The following PRR5L variants were observed in gnomAD, a reference collection of about 807,000 sequenced individuals.
The protein encoded by PRR5L is proline rich 5 like.
In PRR5L, 21 loss-of-function variants were observed where a neutral mutation model predicts 36.4. The ratio of observed to expected loss-of-function variants is 0.58; its 90% CI spans 0.41 to 0.83. The LOEUF (loss-of-function observed/expected upper bound fraction) is 0.83, where lower values mean the gene tolerates loss of function less well. Among genes scored for constraint, PRR5L ranks in the 40% least tolerant of loss-of-function variants. The probability of loss-of-function intolerance (pLI) is 0.00; values close to 1 mark genes in which losing one functional copy is unlikely to be tolerated. For synonymous variants in PRR5L, 188 were observed against 197.0 expected (o/e 0.95, Z 0.38); for missense variants, 381 against 473.3 (o/e 0.80, Z 1.81).
intron 1 of PRR5L, chr11:36,376,490 A>G: frequency 1.9e-6 from 2 of 1,074,376 alleles, no homozygotes; most frequent in Middle Eastern, 4.5e-4. Flanking sequence ...ACGGGACCCC[A>G]TCTGAGGGCA....
At chr11:36,324,733 T>C (rs1361359011) in intron 1 of PRR5L, among the ~76,000 whole-genome samples, 1 of 152,182 alleles carries the variant, frequency 6.6e-6, no homozygotes, top group Non-Finnish European at 1.5e-5. Flanking sequence ...TACATATTTA[T>C]ATTTAGAATT....
intron 1 of PRR5L, among the ~76,000 whole-genome samples, chr11:36,385,045 A>G (rs562242790): frequency 1.3e-5 from 2 of 152,192 alleles, no homozygotes; most frequent in Non-Finnish European, 2.9e-5. Context: ...TTTTTAAAGT[A>G]AGTTGCACAT....
At chr11:36,306,495 T>G (rs980633717) in intron 1 of PRR5L, among the ~76,000 whole-genome samples, 4 of 152,000 alleles carry the variant, frequency 2.6e-5, no homozygotes, top group African/African-American at 9.7e-5. Flanking sequence ...TGATGGACAT[T>G]TGGGTTGGTC....
chr11:36,314,324 C>T (rs1377069418), intron 1 of PRR5L, among the ~76,000 whole-genome samples: 2 of 152,116 alleles, frequency 1.3e-5, no homozygotes, highest in Admixed American at 6.5e-5. Context: ...TCTGTTTTTG[C>T]CTTGCAACAG....
intron 1 of PRR5L, among the ~76,000 whole-genome samples, chr11:36,400,017 C>G (rs1361229755): frequency 1.3e-5 from 2 of 152,236 alleles, no homozygotes; most frequent in African/African-American, 4.8e-5. Flanking sequence ...AGTTAAGACT[C>G]AAACCTGAAG....
At position 36,401,250 on chromosome 11, in the gene PRR5L, G is replaced by C. The variant is rs375733955; in HGVS notation, c.129G>C (p.Gln43His). ...SDLPRFQAAR[Q>H]ALQLSSSSAW... ...TTCCCCGATTCCAAGCAGCTCGGCA[G>C]GCTCTGCAGCTGAGCTCCAGCTCAG... is the stretch of plus-strand genomic sequence containing the variant. Residue 43 changes from glutamine (Q) to histidine (H), a missense_variant, in exon 2 of 9, where the codon CAG (glutamine) becomes CAC (histidine). Coordinates refer to ENST00000530639, the MANE Select transcript of PRR5L (RefSeq NM_001160167.2). 1 of 1,612,936 alleles carries C rather than the reference G, an allele frequency of 6.2e-7. No individual in the cohort carries two copies. Among genetic ancestry groups the C allele is most frequent in the Non-Finnish European group, 8.5e-7 (1 of 1,179,988 alleles).
At chr11:36,421,331 C>T (rs917927170) in intron 4 of PRR5L, among the ~76,000 whole-genome samples, 12 of 152,212 alleles carry the variant, frequency 7.9e-5, no homozygotes, top group Middle Eastern at 3.4e-3. Flanking sequence ...TTTTTGGGGG[C>T]GGTTAATACT....
intron 3 of PRR5L, among the ~76,000 whole-genome samples, chr11:36,410,973 G>GT (rs1205201974): frequency 1.3e-5 from 2 of 152,214 alleles, no homozygotes; most frequent in African/African-American, 4.8e-5. Context: ...AAGGGCCAGG[G>GT]TGCAGGGCCA....
At chr11:36,400,863 T>C (rs1857776758) in intron 1 of PRR5L, 134 bp from the exon 2 acceptor site, 2 of 580,596 alleles carry the variant, frequency 3.4e-6, no homozygotes, top group Non-Finnish European at 5.3e-6. Flanking sequence ...AATGGGAACC[T>C]GCCAGGGAAT....
At chr11:36,348,270 T>G (rs770682625) in intron 1 of PRR5L, among the ~76,000 whole-genome samples, 3 of 152,208 alleles carry the variant, frequency 2.0e-5, no homozygotes, top group Non-Finnish European at 2.9e-5. Context: ...GGGCCTTGGT[T>G]GTTTTCATCT....
chr11:36,447,363 AGCTTGG>A (rs1405482884), intron 7 of PRR5L, among the ~76,000 whole-genome samples: 5 of 152,244 alleles, frequency 3.3e-5, no homozygotes, highest in Non-Finnish European at 1.5e-5. Context: ...TAATTGGTCC[AGCTTGG>A]GCTAGATGAT....
intron 7 of PRR5L, among the ~76,000 whole-genome samples, chr11:36,448,738 C>G (rs1440445948): frequency 6.6e-6 from 1 of 152,126 alleles, no homozygotes; most frequent in East Asian, 1.9e-4. Flanking sequence ...CAAAGAAGCT[C>G]TGGGATCATG....
At chr11:36,411,542 G>C (rs990196476) in intron 3 of PRR5L, among the ~76,000 whole-genome samples, 1 of 152,142 alleles carries the variant, frequency 6.6e-6, no homozygotes, top group African/African-American at 2.4e-5. Flanking sequence ...CCCCGTGTAA[G>C]TGTCCCCTTC....
At chr11:36,458,743 G>A (rs562974597) in intron 8 of PRR5L, among the ~76,000 whole-genome samples, 3 of 152,208 alleles carry the variant, frequency 2.0e-5, no homozygotes, top group Non-Finnish European at 2.9e-5. Flanking sequence ...AAAGCAGCAT[G>A]AGCCACGTGT....
At chr11:36,332,471 GA>G (rs1326579357) in intron 1 of PRR5L, among the ~76,000 whole-genome samples, 1 of 152,150 alleles carries the variant, frequency 6.6e-6, no homozygotes, top group Admixed American at 6.5e-5. Context: ...TATATAACCT[GA>G]GTGATTTTCT....
chr11:36,380,216 G>A (rs971986971), intron 1 of PRR5L, among the ~76,000 whole-genome samples: 6 of 152,184 alleles, frequency 3.9e-5, no homozygotes, highest in African/African-American at 1.4e-4. Context: ...TCTGACAGTA[G>A]TGATGCCACA....
At chr11:36,337,589 C>A (rs1354149693) in intron 1 of PRR5L, among the ~76,000 whole-genome samples, 1 of 152,234 alleles carries the variant, frequency 6.6e-6, no homozygotes. Context: ...CAGGTTTCAG[C>A]ACATGCTCAT....
chr11:36,374,579 TG>T (rs1412596121), intron 1 of PRR5L, among the ~76,000 whole-genome samples: 1 of 152,188 alleles, frequency 6.6e-6, no homozygotes, highest in African/African-American at 2.4e-5. Flanking sequence ...CAATGTAGAA[TG>T]GATGTTCCCA....
Position 36,397,278 on chromosome 11 carries a change from C to G in PRR5L, c.-125-3719C>G, listed in dbSNP as rs138494205. On this transcript the variant is annotated intron_variant, in intron 1 of 8. Coordinates refer to ENST00000530639, the MANE Select transcript of PRR5L (RefSeq NM_001160167.2). The stretch of plus-strand genomic sequence containing the variant: ...ACAGGGTTTCACCGTGTTGGTCAGT[C>G]TGATTTCGAACTCCTGCCCTCGAGA... Among the ~76,000 whole-genome samples, 23 of 139,064 alleles carry G rather than the reference C, an allele frequency of 1.7e-4. No individual in the cohort carries two copies. The East Asian group carries it at 4.9e-3, about 30-fold the overall frequency. 91.2% of individuals were successfully genotyped at this position (139,064 alleles called of 152,430 possible). A position where few individuals can be genotyped will look rare whatever the true frequency, so the allele number is the denominator to read the frequency against.
Sources: gnomAD v4.1 joint callset for allele counts (sites outside exome capture counted in the v4.1 genomes callset) on GRCh38, gnomAD v4.1.1 for gene constraint, MANE v1.5 for transcripts, NCBI Gene and HGNC (gene_info 2026-07-23, HGNC 2026-07-21) for gene names.